SFI1: variants seen among roughly 807,000 people sequenced by gnomAD.
SFI1 encodes SFI1 centrin binding protein.
A neutral mutation model predicts 207.5 loss-of-function variants in SFI1; 195 were observed. That is an observed-to-expected ratio of 0.94 (90% confidence interval 0.84 to 1.06). The LOEUF is 1.06. Among genes scored for constraint, SFI1 ranks in the 50% least tolerant of loss-of-function variants. SFI1 has a pLI of 0.00. For synonymous variants in SFI1, 630 were observed against 598.9 expected (o/e 1.05, Z -0.76); for missense variants, 1,634 against 1,588.0 (o/e 1.03, Z -0.49).
intron 4 of SFI1, among the ~76,000 whole-genome samples, chr22:31,539,321 A>G (rs2059270617): frequency 6.6e-6 from 1 of 152,114 alleles, no homozygotes; most frequent in Non-Finnish European, 1.5e-5. Context: ...TCAAACTTCC[A>G]GTGGCTTCCT....
chr22:31,505,407 C>G (rs5998017), intron 1 of SFI1, among the ~76,000 whole-genome samples: 63,159 of 150,964 alleles, frequency 0.42, 13,722 homozygotes, highest in Middle Eastern at 0.53. Context: ...CCACTGCATT[C>G]CAGCCTGGGC....
intron 12 of SFI1, among the ~76,000 whole-genome samples, chr22:31,582,423 T>C (rs923950423): frequency 1.3e-5 from 2 of 149,884 alleles, no homozygotes; most frequent in Non-Finnish European, 3.0e-5. Context: ...GGCCAATTTT[T>C]GTATTTTTAG....
chr22:31,597,505 C>A (rs2067327914), intron 15 of SFI1, among the ~76,000 whole-genome samples: 1 of 152,158 alleles, frequency 6.6e-6, no homozygotes, highest in Non-Finnish European at 1.5e-5. Flanking sequence ...CTCTGTGACC[C>A]TGGACAAGTC....
intron 8 of SFI1, among the ~76,000 whole-genome samples, chr22:31,570,066 G>A (rs140325298): frequency 3.9e-5 from 6 of 152,018 alleles, no homozygotes; most frequent in African/African-American, 7.2e-5. Flanking sequence ...GCAGTGAGCC[G>A]TATTCTTGCC....
At chr22:31,562,303 T>C (rs1013287055) in intron 8 of SFI1, among the ~76,000 whole-genome samples, 2 of 152,142 alleles carry the variant, frequency 1.3e-5, no homozygotes, top group African/African-American at 4.8e-5. Flanking sequence ...AAGAAAAAGT[T>C]TGCTGACCTC....
At chr22:31,616,931 G>C (rs2071637646) in intron 30 of SFI1, 54 bp downstream of exon 30, 3 of 1,612,638 alleles carry the variant, frequency 1.9e-6, no homozygotes, top group Middle Eastern at 1.7e-4. Context: ...TCCCGGACCT[G>C]GGACTTGCTA....
At chr22:31,582,236 A>ACATATTT (rs2064386385) in intron 12 of SFI1, among the ~76,000 whole-genome samples, 1 of 10,140 alleles carries the variant, frequency 9.9e-5, no homozygotes, top group Non-Finnish European at 1.7e-4. Flanking sequence ...ATATATATAT[A>ACATATTT]TTTTTTTTTT....
intron 15 of SFI1, among the ~76,000 whole-genome samples, chr22:31,590,979 A>AATTTT (rs1556251721): frequency 3.5e-5 from 5 of 142,130 alleles, no homozygotes; most frequent in Non-Finnish European, 6.1e-5. Flanking sequence ...TTATTTATTT[A>AATTTT]TTTTTTTATT....
At position 31,511,843 on chromosome 22, in the gene SFI1, A is replaced by C. The variant is rs527403650; in HGVS notation, c.92+3467A>C. Among the ~76,000 whole-genome samples the C allele has an allele frequency of 2.0e-5, 3 of 151,788 alleles. No individual in the cohort carries two copies. In the East Asian group the frequency reaches 5.9e-4, roughly 30 times the overall value. On this transcript the variant is annotated intron_variant, in intron 2 of 32. Transcript: ENST00000400288. The stretch of plus-strand genomic sequence containing the variant: ...AATTTTTTTATATTAGTAGAGAAGG[A>C]GCTTCGCCATGTTGGTCTGGCTGGT...
At chr22:31,566,335 C>T (rs1602866213) in intron 8 of SFI1, among the ~76,000 whole-genome samples, 1 of 152,182 alleles carries the variant, frequency 6.6e-6, no homozygotes, top group East Asian at 1.9e-4. Context: ...TCAAGTGATC[C>T]GCCTGCCTCT....
Position 31,616,744 on chromosome 22 carries a change from G to T in SFI1, c.3301-1G>T, listed in dbSNP as rs376266205. ...AGCATCTACCCTTCTTTCCTTTGCAGGTGTCAGCACAGCGGGCTACTCCTA... is the reference window on the plus strand; with the variant it reads ...AGCATCTACCCTTCTTTCCTTTGCATGTGTCAGCACAGCGGGCTACTCCTA... On this transcript the variant is annotated splice_acceptor_variant, in intron 29 of 32. Transcript: ENST00000400288. LOFTEE classifies it high-confidence loss of function. 15 of 1,539,230 alleles carry T rather than the reference G, an allele frequency of 9.7e-6. No homozygotes were observed. Among genetic ancestry groups the T allele is most frequent in the Non-Finnish European group, 1.3e-5 (15 of 1,146,790 alleles).
At chr22:31,599,395 C>G (rs888106528) in intron 15 of SFI1, among the ~76,000 whole-genome samples, 2 of 151,884 alleles carry the variant, frequency 1.3e-5, no homozygotes, top group Admixed American at 1.3e-4. Flanking sequence ...GGCACAATCT[C>G]GGCTCACTGC....
At position 31,550,511 on chromosome 22, in the gene SFI1, G is replaced by GC. The variant is rs574545538; in HGVS notation, c.544+164dup. 1.0e-4 allele frequency: 61 copies of GC among 594,994 alleles called. No homozygotes were observed. In the East Asian group the frequency reaches 1.7e-3, roughly 17 times the overall value. The allele number at this position is 594,994 out of a possible 1,614,324, so 36.9% of individuals were successfully genotyped here. A position where few individuals can be genotyped will look rare whatever the true frequency, so the allele number is the denominator to read the frequency against. ...TTCAGAAAGTGTGATCTCTGAGTGG[G>GC]CACCTGTATGATTGATCCCTATGGT... On this transcript the variant is annotated intron_variant, in intron 6 of 32. Coordinates refer to ENST00000400288, the MANE Select transcript of SFI1 (RefSeq NM_001007467.3).
At chr22:31,535,441 A>G (rs1306982006) in intron 4 of SFI1, among the ~76,000 whole-genome samples, 1 of 151,618 alleles carries the variant, frequency 6.6e-6, no homozygotes, top group Non-Finnish European at 1.5e-5. Flanking sequence ...GCCCGCCCTC[A>G]ACCTCCCAAA....
rs776663397 is a variant in SFI1 at position 31,604,955 on chromosome 22, C to T, written c.2054+10C>T. 12 of 1,588,032 alleles carry T rather than the reference C, an allele frequency of 7.6e-6. No individual in the cohort carries two copies. The Admixed American group carries it at 2.1e-4, about 28-fold the overall frequency. The stretch of plus-strand genomic sequence containing the variant: ...ACAGGCAGCTGCTGCGGTGAGTCTC[C>T]CGGGCGCCTCCCAAGCTCCAGCTGG... On this transcript the variant is annotated intron_variant, in intron 20 of 32. Transcript: ENST00000400288.
In SFI1 at chr22:31,594,315, C is replaced by T. The variant is rs181647673; in HGVS notation, c.1544+4738C>T. On this transcript the variant is annotated intron_variant, in intron 15 of 32. Coordinates refer to ENST00000400288, the MANE Select transcript of SFI1 (RefSeq NM_001007467.3). Reference sequence around the variant, plus strand: ...CTGTAATCCCAGCACTTTGGGAGGCCGGAGCGGGCGGATCACAAGGTCAAG... The same window carrying T: ...CTGTAATCCCAGCACTTTGGGAGGCTGGAGCGGGCGGATCACAAGGTCAAG... 4.1e-3 allele frequency among the ~76,000 whole-genome samples: 630 copies of T among 152,006 alleles called. 5 individuals are homozygous for T. Among genetic ancestry groups the T allele is most frequent in the African/African-American group, 0.014 (591 of 41,442 alleles).
In SFI1 at chr22:31,615,227, T is replaced by C; in HGVS notation, c.3248T>C (p.Leu1083Pro). ...ACGGCAAGCACAGGCCCGGAGCTGC[T>C]GCTGCTGCCTCTTTCCTCCTTCATG... is the stretch of plus-strand genomic sequence containing the variant. The part of the protein sequence containing the change: ...PPTASTGPEL[L>P]LLPLSSFMPC... The change falls in exon 29 of 33, where the codon CTG (leucine) becomes CCG (proline). Residue 1083 changes from leucine to proline, a missense_variant. Leu to Pro is a moderately conservative substitution (Grantham distance 98). Coordinates refer to ENST00000400288, the MANE Select transcript of SFI1 (RefSeq NM_001007467.3). The C allele has an allele frequency of 6.5e-7, 1 of 1,542,536 alleles. No individual in the cohort carries two copies. Among genetic ancestry groups the C allele is most frequent in the Non-Finnish European group, 8.7e-7 (1 of 1,152,208 alleles).
In SFI1 at chr22:31,536,948, C is replaced by T. The variant is rs938977078; in HGVS notation, c.338+5819C>T. 4.0e-5 allele frequency among the ~76,000 whole-genome samples: 6 copies of T among 151,210 alleles called. No homozygotes were observed. In the East Asian group the frequency reaches 1.2e-3, roughly 29 times the overall value. ...TTTTACCTTTAGAGACAGGGTCTCA[C>T]TATGTTTTCCAGGCTGGTCTTGAAC... is the stretch of plus-strand genomic sequence containing the variant. On this transcript the variant is annotated intron_variant, in intron 4 of 32. Coordinates refer to ENST00000400288, the MANE Select transcript of SFI1 (RefSeq NM_001007467.3).
intron 2 of SFI1, 150 bp downstream of exon 2, chr22:31,508,526 A>C: frequency 1.7e-6 from 1 of 600,116 alleles, no homozygotes; most frequent in South Asian, 2.1e-5. Context: ...TTTTTCATCT[A>C]TAAGATAATA....
Sources: allele counts gnomAD v4.1 joint callset (sites outside exome capture counted in the v4.1 genomes callset), GRCh38; gene constraint gnomAD v4.1.1; transcripts MANE v1.5; gene names NCBI Gene and HGNC (gene_info 2026-07-23, HGNC 2026-07-21).